Variants in PKP4 observed in about 807,000 individuals in gnomAD.
PKP4 encodes plakophilin-4.
PKP4 carries 90 observed loss-of-function variants against 145.1 expected under a neutral mutation model. That is an observed-to-expected ratio of 0.62 (90% CI 0.52 to 0.74). PKP4 has a LOEUF of 0.74. Among genes scored for constraint, PKP4 ranks in the 30% least tolerant of loss-of-function variants. PKP4 has a pLI of 0.00. For missense variants in PKP4, 1,340 were observed against 1,482.7 expected (o/e 0.90, Z 1.58); for synonymous variants, 563 against 577.2 (o/e 0.98, Z 0.35).
At chr2:158,672,091 T>C (rs1205471950) in intron 17 of PKP4, among the ~76,000 whole-genome samples, 1 of 152,166 alleles carries the variant, frequency 6.6e-6, no homozygotes, top group Non-Finnish European at 1.5e-5. Context: ...CTGACGGCCT[T>C]GGCCAAGGCA....
intron 4 of PKP4, among the ~76,000 whole-genome samples, chr2:158,609,305 T>C (rs1373718037): frequency 6.6e-6 from 1 of 152,236 alleles, no homozygotes; most frequent in Admixed American, 6.5e-5. Context: ...TAGGCAGTCC[T>C]ACTCAGAATA....
rs60553217 is a variant in PKP4 at position 158,479,413 on chromosome 2, G to A, written c.-6+22195G>A. Among the ~76,000 whole-genome samples, 582 of 152,110 alleles carry A rather than the reference G, an allele frequency of 3.8e-3. 1 individual carries two copies. Among genetic ancestry groups the A allele is most frequent in the African/African-American group, 0.013 (541 of 41,522 alleles). On this transcript the variant is annotated intron_variant, in intron 1 of 21. Coordinates refer to ENST00000389759, the MANE Select transcript of PKP4 (RefSeq NM_003628.6). ...TAATTTTTGTATGTTTTGTAGAGAC[G>A]GGGTTTTGCCATGTTGCCCAGGCTG...
chr2:158,666,350 G>A, intron 15 of PKP4, 63 bp from the exon 16 acceptor site: 1 of 1,301,972 alleles, frequency 7.7e-7, no homozygotes, highest in Non-Finnish European at 1.0e-6. Context: ...TTTTTTAGGT[G>A]ACAGTAACAT....
At chr2:158,622,430 G>A (rs1421235820) in intron 6 of PKP4, among the ~76,000 whole-genome samples, 1 of 152,046 alleles carries the variant, frequency 6.6e-6, no homozygotes, top group Admixed American at 6.5e-5. Context: ...CTGCATGGTG[G>A]TAACCAGTGA....
chr2:158,482,759 C>T (rs896633060), intron 1 of PKP4, among the ~76,000 whole-genome samples: 2 of 151,386 alleles, frequency 1.3e-5, no homozygotes, highest in South Asian at 4.2e-4. Context: ...TTGCTTGGGC[C>T]TGGGAGGTTG....
At chr2:158,605,250 C>A (rs1256434124) in intron 4 of PKP4, among the ~76,000 whole-genome samples, 1 of 152,174 alleles carries the variant, frequency 6.6e-6, no homozygotes, top group Non-Finnish European at 1.5e-5. Context: ...AGCTTCACAG[C>A]CAAATTCTAA....
intron 15 of PKP4, 106 bp from the exon 16 acceptor site, chr2:158,666,307 A>G (rs991285329): frequency 6.9e-6 from 7 of 1,018,638 alleles, no homozygotes; most frequent in Non-Finnish European, 9.5e-6. Flanking sequence ...GAAAGAAACC[A>G]TTTAATCTAT....
chr2:158,502,486 G>T (rs937867375), intron 1 of PKP4, among the ~76,000 whole-genome samples: 4 of 152,186 alleles, frequency 2.6e-5, no homozygotes, highest in Admixed American at 2.0e-4. Context: ...TTCAGTGACA[G>T]AAGGCCTCAC....
chr2:158,519,024 TTTC>T (rs1472225399), intron 1 of PKP4, among the ~76,000 whole-genome samples: 1 of 152,168 alleles, frequency 6.6e-6, no homozygotes, highest in Non-Finnish European at 1.5e-5. Flanking sequence ...GGAATTTTCA[TTTC>T]TTCTTGTAGT....
At chr2:158,587,541 G>T (rs2048903157) in intron 3 of PKP4, among the ~76,000 whole-genome samples, 1 of 151,802 alleles carries the variant, frequency 6.6e-6, no homozygotes. Context: ...TGCTTTATAG[G>T]AGTTAGTAAT....
At chr2:158,596,167 C>A (rs1217189631) in intron 3 of PKP4, among the ~76,000 whole-genome samples, 2 of 151,532 alleles carry the variant, frequency 1.3e-5, no homozygotes, top group African/African-American at 4.8e-5. Flanking sequence ...AAAAATAAAG[C>A]CCACCAATGG....
intron 15 of PKP4, among the ~76,000 whole-genome samples, chr2:158,665,688 C>T (rs969583302): frequency 1.3e-5 from 2 of 152,182 alleles, no homozygotes; most frequent in Admixed American, 6.5e-5. Flanking sequence ...TCACTGATGA[C>T]TTAGCGCTCA....
intron 1 of PKP4, among the ~76,000 whole-genome samples, chr2:158,471,915 T>G (rs566878398): frequency 6.6e-6 from 1 of 152,312 alleles, no homozygotes; most frequent in African/African-American, 2.4e-5. Context: ...TAAATATAGC[T>G]TATCAAGTGG....
In PKP4 at chr2:158,580,306, G is replaced by A. The variant is rs889302840; in HGVS notation, c.245+2923G>A. 3.3e-5 allele frequency among the ~76,000 whole-genome samples: 5 copies of A among 152,120 alleles called. 1 individual carries two copies. The highest frequency in any genetic ancestry group is 1.2e-4 in the African/African-American group (5 of 41,406). ...GGTTCCTGTCTGGTTCTCAGTGCCT[G>A]GCATTTGTGCCTGGCAAGTGACTGT... On this transcript the variant is annotated intron_variant, in intron 3 of 21. Transcript: ENST00000389759.
intron 1 of PKP4, among the ~76,000 whole-genome samples, chr2:158,522,895 T>C (rs1052706065): frequency 3.9e-5 from 6 of 152,106 alleles, no homozygotes; most frequent in African/African-American, 1.4e-4. Context: ...ATCGGGTCAC[T>C]CCCACCCGAA....
intron 1 of PKP4, among the ~76,000 whole-genome samples, chr2:158,510,076 C>A (rs1381575488): frequency 6.6e-6 from 1 of 152,064 alleles, no homozygotes; most frequent in African/African-American, 2.4e-5. Flanking sequence ...AAATTCAAAA[C>A]CCTCACCTAA....
At chr2:158,487,331 A>G (rs1231587531) in intron 1 of PKP4, among the ~76,000 whole-genome samples, 1 of 152,226 alleles carries the variant, frequency 6.6e-6, no homozygotes, top group Non-Finnish European at 1.5e-5. Flanking sequence ...GGTTGTCTTC[A>G]CCATAATCTT....
chr2:158,668,536 G>C (rs2057309232), intron 16 of PKP4, among the ~76,000 whole-genome samples: 1 of 152,234 alleles, frequency 6.6e-6, no homozygotes, highest in African/African-American at 2.4e-5. Context: ...AGAGTGAGCT[G>C]CCTCGGCCTA....
rs772030532 is a variant in PKP4 at position 158,663,415 on chromosome 2, T to C, written c.2547T>C (p.Ser849=). The C allele has an allele frequency of 4.7e-5, 76 of 1,613,824 alleles. 2 individuals are homozygous for C. In the South Asian group the frequency reaches 7.5e-4, roughly 16 times the overall value. ...CCACCTTGGAAGGCTCTGCAGGGTC[T>C]CTCCAGAACCTCTCTGCTGGCAACT... is the stretch of plus-strand genomic sequence containing the variant. ...NPATLEGSAG[S]LQNLSAGNWK... is the part of the protein sequence containing the mutation. Residue 849 remains serine, a synonymous_variant, in exon 15 of 22, where the codon TCT becomes TCC. Coordinates refer to ENST00000389759, the MANE Select transcript of PKP4 (RefSeq NM_003628.6).
Sources: allele counts gnomAD v4.1 joint callset (sites outside exome capture counted in the v4.1 genomes callset), GRCh38; gene constraint gnomAD v4.1.1; transcripts MANE v1.5; gene names NCBI Gene and HGNC (gene_info 2026-07-23, HGNC 2026-07-21).